The following HAPLN4 variants were observed in gnomAD, a reference collection of about 807,000 sequenced individuals.
HAPLN4 encodes hyaluronan and proteoglycan link protein 4, also known as brain link protein 2.
Under a neutral mutation model 28.0 loss-of-function variants are expected in HAPLN4, and 19 were observed. The ratio of observed to expected loss-of-function variants is 0.68; its 90% CI spans 0.47 to 1.00. HAPLN4 has a LOEUF of 1.00. Ranked by LOEUF, HAPLN4 falls within the 50% of genes least tolerant of loss-of-function variation. The pLI, the probability that HAPLN4 is intolerant of heterozygous loss-of-function variation, is 0.00. For synonymous variants in HAPLN4, 274 were observed against 273.0 expected (o/e 1.00, Z -0.03); for missense variants, 587 against 602.6 (o/e 0.97, Z 0.27).
Position 19,256,859 on chromosome 19 carries a change from T to G in HAPLN4, c.*958A>C, listed in dbSNP as rs1158927549. ...AGGAGGGAGGCACTGTCTTCATGGG[T>G]GTGCCTGATGAGGGAAGGGGTGTGT... On this transcript the variant is annotated 3_prime_UTR_variant, in exon 5 of 5. Coordinates refer to ENST00000291481, the MANE Select transcript of HAPLN4 (RefSeq NM_023002.3). The G allele has an allele frequency of 6.6e-6, 1 of 152,606 alleles. No individual in the cohort carries two copies. Among genetic ancestry groups the G allele is most frequent in the Non-Finnish European group, 1.5e-5 (1 of 68,100 alleles). 9.5% of individuals were successfully genotyped at this position (152,606 alleles called of 1,614,324 possible).
At chr19:19,259,179 C>T (rs1461956196) in intron 3 of HAPLN4, among the ~76,000 whole-genome samples, 1 of 152,174 alleles carries the variant, frequency 6.6e-6, no homozygotes, top group Admixed American at 6.5e-5. Flanking sequence ...CTCCCAAACC[C>T]TCTTCCATTG....
In HAPLN4 at chr19:19,262,802, A is replaced by G. The variant is rs1441703316; in HGVS notation, c.-70T>C. Reference sequence around the variant, plus strand: ...TGCGCTCCCCGCACACCCGGTTAAGACTGGGCAGGTCCCTGCAGGCGGCGC... The same window carrying G: ...TGCGCTCCCCGCACACCCGGTTAAGGCTGGGCAGGTCCCTGCAGGCGGCGC... On this transcript the variant is annotated 5_prime_UTR_variant, in exon 1 of 5. Transcript: ENST00000291481. 1 of 1,557,058 alleles carries G rather than the reference A, an allele frequency of 6.4e-7. No individual in the cohort carries two copies. The highest frequency in any genetic ancestry group is 8.7e-7 in the Non-Finnish European group (1 of 1,145,248).
At position 19,257,988 on chromosome 19, in the gene HAPLN4, C is replaced by T. The variant is rs1447729434; in HGVS notation, c.1038G>A (p.Val346=). ...TGGCGTCCGGGAAGCCGAGGCTGCG[C>T]ACACCAGGCCTGCGGCCTCCGCAGC... is the stretch of plus-strand genomic sequence containing the variant. ...RARCGGRRPG[V]RSLGFPDATR... Residue 346 remains valine (V), a synonymous_variant, in exon 5 of 5, where the codon GTG becomes GTA. Coordinates refer to ENST00000291481, the MANE Select transcript of HAPLN4 (RefSeq NM_023002.3). The T allele has an allele frequency of 1.3e-6, 2 of 1,513,646 alleles. No individual in the cohort carries two copies. The highest frequency in any genetic ancestry group is 1.7e-4 in the Middle Eastern group (1 of 5,814). 93.8% of individuals were successfully genotyped at this position (1,513,646 alleles called of 1,614,324 possible).
At chr19:19,262,664 G>C (rs1344688891) in intron 1 of HAPLN4, 66 bp downstream of exon 1, 14 of 1,555,584 alleles carry the variant, frequency 9.0e-6, no homozygotes, top group Non-Finnish European at 1.2e-5. Flanking sequence ...TTCAGAGGCA[G>C]AGAGATATAG....
rs184860421 is a variant in HAPLN4 at position 19,258,402 on chromosome 19, C to T, written c.817+121G>A. The T allele has an allele frequency of 3.4e-3, 4,014 of 1,179,404 alleles. 180 individuals carry two copies. The Admixed American group carries it at 0.077, about 23-fold the overall frequency. The allele number at this position is 1,179,404 out of a possible 1,614,324, so 73.1% of individuals were successfully genotyped here. ...TTGGTACCAGGCGGTGTGTGCTGCG[C>T]CTAGGCACTCTTGGGAGAGGGGTCT... On this transcript the variant is annotated intron_variant, in intron 4 of 4. Coordinates refer to ENST00000291481, the MANE Select transcript of HAPLN4 (RefSeq NM_023002.3). The surrounding 1 kb of genome is among the most constrained non-coding windows in gnomAD (Gnocchi z 6.2).
At chr19:19,259,836 G>A (rs2060977532) in intron 3 of HAPLN4, among the ~76,000 whole-genome samples, 1 of 152,128 alleles carries the variant, frequency 6.6e-6, no homozygotes, top group Non-Finnish European at 1.5e-5. Flanking sequence ...TCAAATGGGA[G>A]GGAATTCTTC....
In HAPLN4 at chr19:19,258,536, C is replaced by T; in HGVS notation, c.804G>A (p.Thr268=). 5.6e-6 allele frequency: 9 copies of T among 1,613,420 alleles called. No homozygotes were observed. The highest frequency in any genetic ancestry group is 7.6e-6 in the Non-Finnish European group (9 of 1,179,860). The change falls in exon 4 of 5, where the codon ACG becomes ACA. Residue 268 remains threonine (T), a synonymous_variant. Coordinates refer to ENST00000291481, the MANE Select transcript of HAPLN4 (RefSeq NM_023002.3). The surrounding 1 kb of genome is among the most constrained non-coding windows in gnomAD (Gnocchi z 6.2). ...AEERYDAFCF[T]SNLPGRVFFL... ...AGGCCTACGCACCCGGCAGGTTGGACGTGAAGCAGAAGGCGTCGTAGCGTT... is the reference window on the plus strand; with the variant it reads ...AGGCCTACGCACCCGGCAGGTTGGATGTGAAGCAGAAGGCGTCGTAGCGTT...
At chr19:19,260,662 G>A (rs1718858119) in intron 3 of HAPLN4, 151 bp downstream of exon 3, 2 of 912,380 alleles carry the variant, frequency 2.2e-6, no homozygotes, top group Non-Finnish European at 3.3e-6. Flanking sequence ...TGTCCCTGGG[G>A]AGGAAAATCA....
At position 19,258,102 on chromosome 19, in the gene HAPLN4, G is replaced by A. The variant is rs781445273; in HGVS notation, c.924C>T (p.Ala308=). Residue 308 remains alanine (A), a synonymous_variant, in exon 5 of 5, where the codon GCC becomes GCT. Transcript: ENST00000291481. This position sits in a 1 kb window ranked among gnomAD's most constrained non-coding sequence, Gnocchi z 6.2. ...AAVAKVGQLF[A]AWKLQLLDRC... ...GGTCTAGCAGCTGCAGCTTCCACGC[G>A]GCGAACAGCTGCCCCACCTTGGCCA... 4.5e-6 allele frequency: 7 copies of A among 1,551,712 alleles called. No individual in the cohort carries two copies. Among genetic ancestry groups the A allele is most frequent in the South Asian group, 3.5e-5 (3 of 85,386 alleles).
In HAPLN4 at chr19:19,260,761, C is replaced by G. The variant is rs576683149; in HGVS notation, c.484+52G>C. On this transcript the variant is annotated intron_variant, in intron 3 of 4. Transcript: ENST00000291481. ...TTTGGTTTATGTCCCTTGCCATCCC[C>G]GCCCCCCTCCTTCCTCAGAAGCAAG... 1.8e-5 allele frequency: 29 copies of G among 1,571,598 alleles called. No individual in the cohort carries two copies. In the South Asian group the frequency reaches 2.8e-4, roughly 15 times the overall value.
chr19:19,256,000 C>G lies in HAPLN4; in HGVS notation c.*1817G>C, dbSNP rs1157286566. 1 of 152,222 alleles carries G rather than the reference C, an allele frequency of 6.6e-6. No individual in the cohort carries two copies. Among genetic ancestry groups the G allele is most frequent in the East Asian group, 1.9e-4 (1 of 5,182 alleles). The allele number at this position is 152,222 out of a possible 1,614,324, so 9.4% of individuals were successfully genotyped here. On this transcript the variant is annotated 3_prime_UTR_variant, in exon 5 of 5. Transcript: ENST00000291481. ...GAGGACTTCGGCTGGGTCCTGACCT[C>G]TTAGCACAGATCGCCGCTTAGAGCC...
At position 19,258,099 on chromosome 19, in the gene HAPLN4, C is replaced by G. The variant is rs757608400; in HGVS notation, c.927G>C (p.Ala309=). Residue 309 remains alanine (A), a synonymous_variant, in exon 5 of 5, where the codon GCG becomes GCC. Coordinates refer to ENST00000291481, the MANE Select transcript of HAPLN4 (RefSeq NM_023002.3). This position sits in a 1 kb window ranked among gnomAD's most constrained non-coding sequence, Gnocchi z 6.2. ...AGCGGTCTAGCAGCTGCAGCTTCCA[C>G]GCGGCGAACAGCTGCCCCACCTTGG... ...AVAKVGQLFA[A]WKLQLLDRCT... The G allele has an allele frequency of 6.4e-7, 1 of 1,552,424 alleles. No individual in the cohort carries two copies. The highest frequency in any genetic ancestry group is 2.4e-5 in the East Asian group (1 of 42,256).
chr19:19,258,673 C>T lies in HAPLN4; in HGVS notation c.667G>A (p.Val223Met), dbSNP rs776798383. 5 of 1,609,496 alleles carry T rather than the reference C, an allele frequency of 3.1e-6. No individual in the cohort carries two copies. Among genetic ancestry groups the T allele is most frequent in the South Asian group, 1.1e-5 (1 of 90,818 alleles). ...CCGCAGGGCTCCCGGGGCCGGTTCA[C>T]GGGGTATTGCACTGAGCCGTCGCGC... Reference protein sequence around the residue: ...WLRDGSVQYPVNRPREPCGGL... With the variant: ...WLRDGSVQYPMNRPREPCGGL... Residue 223 changes from valine to methionine, a missense_variant, in exon 4 of 5, where the codon GTG (valine) becomes ATG (methionine). Val to Met is a conservative substitution (Grantham distance 21). Coordinates refer to ENST00000291481, the MANE Select transcript of HAPLN4 (RefSeq NM_023002.3). The surrounding 1 kb of genome is among the most constrained non-coding windows in gnomAD (Gnocchi z 6.2).
At chr19:19,261,393 T>C (rs1055194823) in intron 2 of HAPLN4, 53 bp downstream of exon 2, 54 of 1,504,088 alleles carry the variant, frequency 3.6e-5, no homozygotes, top group Middle Eastern at 1.7e-4. Flanking sequence ...CTCTCCGCAC[T>C]TGGCCACTTC....
Position 19,258,063 on chromosome 19 carries a change from A to G in HAPLN4, c.963T>C (p.Gly321=), listed in dbSNP as rs1288522951. Residue 321 remains glycine, a synonymous_variant, in exon 5 of 5, where the codon GGT becomes GGC. Coordinates refer to ENST00000291481, the MANE Select transcript of HAPLN4 (RefSeq NM_023002.3). This position sits in a 1 kb window ranked among gnomAD's most constrained non-coding sequence, Gnocchi z 6.2. Reference sequence around the variant, plus strand: ...AGCGCGCACTGCCATCGGCCAGCCAACCCGCGGTGCAGCGGTCTAGCAGCT... The same window carrying G: ...AGCGCGCACTGCCATCGGCCAGCCAGCCCGCGGTGCAGCGGTCTAGCAGCT... The part of the protein sequence containing the change: ...KLQLLDRCTA[G]WLADGSARYP... 2.6e-6 allele frequency: 4 copies of G among 1,552,590 alleles called. No individual in the cohort carries two copies. The highest frequency in any genetic ancestry group is 2.7e-5 in the African/African-American group (2 of 73,544).
intron 1 of HAPLN4, among the ~76,000 whole-genome samples, chr19:19,261,837 C>A (rs1017856439): frequency 1.3e-5 from 2 of 152,164 alleles, no homozygotes; most frequent in Non-Finnish European, 2.9e-5. Context: ...GCTCGCTGCC[C>A]CGCCCCCTTC....
chr19:19,258,192 C>T lies in HAPLN4; in HGVS notation c.834G>A (p.Leu278=). The T allele has an allele frequency of 1.3e-6, 2 of 1,506,648 alleles. No individual in the cohort carries two copies. The highest frequency in any genetic ancestry group is 2.5e-5 in the South Asian group (2 of 80,220). 93.3% of individuals were successfully genotyped at this position (1,506,648 alleles called of 1,614,324 possible). A position where few individuals can be genotyped will look rare whatever the true frequency, so the allele number is the denominator to read the frequency against. The change falls in exon 5 of 5, where the codon CTG becomes CTA. Residue 278 remains leucine (L), a synonymous_variant. Coordinates refer to ENST00000291481, the MANE Select transcript of HAPLN4 (RefSeq NM_023002.3). The surrounding 1 kb of genome is among the most constrained non-coding windows in gnomAD (Gnocchi z 6.2). ...TSNLPGRVFF[L]KPLRPVPFSG... Reference sequence around the variant, plus strand: ...AGAAGGGTACAGGTCGCAGCGGCTTCAGGAAGAACACGCGCCCTGCGGGGG... The same window carrying T: ...AGAAGGGTACAGGTCGCAGCGGCTTTAGGAAGAACACGCGCCCTGCGGGGG...
rs1370043961 is a variant in HAPLN4, at chr19:19,255,778, G to A, written c.*2039C>T. The A allele has an allele frequency of 6.6e-6, 1 of 152,220 alleles. No homozygotes were observed. Among genetic ancestry groups the A allele is most frequent in the Non-Finnish European group, 1.5e-5 (1 of 68,044 alleles). 9.4% of individuals were successfully genotyped at this position (152,220 alleles called of 1,614,324 possible). A position where few individuals can be genotyped will look rare whatever the true frequency, so the allele number is the denominator to read the frequency against. On this transcript the variant is annotated 3_prime_UTR_variant, in exon 5 of 5. Coordinates refer to ENST00000291481, the MANE Select transcript of HAPLN4 (RefSeq NM_023002.3). ...AGTTTGTCACTTGGTCACACAGTGA[G>A]CAAGAAGAGGCAGAATTCAAACCCA...
Position 19,255,214 on chromosome 19 carries a change from G to A in HAPLN4, c.*2603C>T, listed in dbSNP as rs1025036009. 6.6e-6 allele frequency: 1 copy of A among 152,254 alleles called. No individual in the cohort carries two copies. Among genetic ancestry groups the A allele is most frequent in the East Asian group, 1.9e-4 (1 of 5,182 alleles). 9.4% of individuals were successfully genotyped at this position (152,254 alleles called of 1,614,324 possible). A position where few individuals can be genotyped will look rare whatever the true frequency, so the allele number is the denominator to read the frequency against. ...AAGAGGAGCAAGAGATTGGGGAGGT[G>A]GGGGAGGAATGAAGGACCCCACTTC... On this transcript the variant is annotated 3_prime_UTR_variant, in exon 5 of 5. Coordinates refer to ENST00000291481, the MANE Select transcript of HAPLN4 (RefSeq NM_023002.3).
Sources: gnomAD v4.1 joint callset for allele counts (sites outside exome capture counted in the v4.1 genomes callset) on GRCh38, gnomAD v4.1.1 for gene constraint, Gnocchi (gnomAD v3.1) non-coding constraint, MANE v1.5 for transcripts, NCBI Gene and HGNC (gene_info 2026-07-23, HGNC 2026-07-21) for gene names.